The following LRRK1 variants were observed in gnomAD, a reference collection of about 807,000 sequenced individuals.
The protein encoded by LRRK1 is leucine-rich repeat serine/threonine-protein kinase 1.
LRRK1 carries 113 observed loss-of-function variants against 209.1 expected under a neutral mutation model. The ratio of observed to expected loss-of-function variants is 0.54; its 90% CI spans 0.46 to 0.63. The LOEUF (loss-of-function observed/expected upper bound fraction) is 0.63. LRRK1 is among the 30% of genes least tolerant of loss of function. The probability of loss-of-function intolerance (pLI) is 0.00; values close to 1 mark genes in which losing one functional copy is unlikely to be tolerated. For missense variants in LRRK1, 2,284 were observed against 2,632.2 expected (o/e 0.87, Z 2.89); for synonymous variants, 1,144 against 1,099.7 (o/e 1.04, Z -0.80).
intron 3 of LRRK1, among the ~76,000 whole-genome samples, chr15:100,975,218 G>C (rs1224984440): frequency 6.6e-6 from 1 of 152,248 alleles, no homozygotes; most frequent in Non-Finnish European, 1.5e-5. Context: ...GGAGGAGCTG[G>C]GCAGCAAACA....
intron 19 of LRRK1, 142 bp from the exon 20 acceptor site, chr15:101,028,814 C>A: frequency 1.1e-6 from 1 of 935,490 alleles, no homozygotes; most frequent in Non-Finnish European, 1.6e-6. Context: ...GCCAGCCCAC[C>A]TGAAGGGTCC....
chr15:100,973,804 G>A lies in LRRK1; in HGVS notation c.98G>A (p.Gly33Asp). 7.8e-7 allele frequency: 1 copy of A among 1,288,114 alleles called. No homozygotes were observed. The highest frequency in any genetic ancestry group is 2.4e-5 in the South Asian group (1 of 41,686). The allele number at this position is 1,288,114 out of a possible 1,614,324, so 79.8% of individuals were successfully genotyped here. Residue 33 changes from glycine (G) to aspartate (D), a missense_variant and splice_region_variant, in exon 3 of 34, where the codon GGT becomes GAT. Around this residue, in one of 6 missense-constraint regions of LRRK1, gnomAD observed 174 missense variants for 133.5 expected, o/e 1.30. Coordinates refer to ENST00000388948, the MANE Select transcript of LRRK1 (RefSeq NM_024652.6). ...CPERAMETLN[G>D]AGDTGGKPST... The stretch of plus-strand genomic sequence containing the variant: ...TGTGTGTGTGCTTCCTCCCGCGCAG[G>A]TGCCGGGGACACGGGCGGCAAGCCG...
intron 23 of LRRK1, 57 bp from the exon 24 acceptor site, chr15:101,051,654 G>T: frequency 7.0e-7 from 1 of 1,428,272 alleles, no homozygotes; most frequent in Non-Finnish European, 9.1e-7. Flanking sequence ...GTGCTGCTCG[G>T]GGGGCCCTCC....
Position 101,012,542 on chromosome 15 carries a change from C to T in LRRK1, c.1419+397C>T, listed in dbSNP as rs549995429. On this transcript the variant is annotated intron_variant, in intron 10 of 33. Transcript: ENST00000388948. The stretch of plus-strand genomic sequence containing the variant: ...TTGGCGGGTCCTTAGGCAGACAGGC[C>T]GTGGATCACACTCATTGCTTGGAGC... 2.9e-4 allele frequency among the ~76,000 whole-genome samples: 44 copies of T among 152,274 alleles called. No homozygotes were observed. In the South Asian group the frequency reaches 2.9e-3, roughly 10 times the overall value.
intron 2 of LRRK1, among the ~76,000 whole-genome samples, chr15:100,949,079 CAA>C (rs1229310686): frequency 6.6e-6 from 1 of 151,916 alleles, no homozygotes; most frequent in Non-Finnish European, 1.5e-5. Flanking sequence ...TCAGTGAAAT[CAA>C]AAGTTAGTTC....
chr15:100,937,605 G>A (rs1026214565), intron 2 of LRRK1, among the ~76,000 whole-genome samples: 2 of 151,934 alleles, frequency 1.3e-5, no homozygotes, highest in Admixed American at 1.3e-4. Flanking sequence ...CGCGATCTCA[G>A]CTCACTGCAA....
rs987143050 is a variant in LRRK1, at chr15:101,024,737, C to G, written c.2068-66C>G. The G allele has an allele frequency of 2.6e-6, 4 of 1,537,142 alleles. No individual in the cohort carries two copies. Among genetic ancestry groups the G allele is most frequent in the Non-Finnish European group, 2.7e-6 (3 of 1,123,246 alleles). ...CAGCCTCCAGAGTTATCCGTTGTCT[C>G]CGTTTGATTGACTGAAGCCTTTGTC... On this transcript the variant is annotated intron_variant, in intron 15 of 33. Coordinates refer to ENST00000388948, the MANE Select transcript of LRRK1 (RefSeq NM_024652.6). This position sits in a 1 kb window ranked among gnomAD's most constrained non-coding sequence, Gnocchi z 4.6.
chr15:101,040,468 C>T lies in LRRK1; in HGVS notation c.2964-5513C>T, dbSNP rs780615250. ...AAATTTTTGGAACCGTTTTAAAGAA[C>T]GAACCGTTGCCATTGCTGATTTCTT... On this transcript the variant is annotated intron_variant, in intron 20 of 33. Coordinates refer to ENST00000388948, the MANE Select transcript of LRRK1 (RefSeq NM_024652.6). Among the ~76,000 whole-genome samples, 7 of 152,152 alleles carry T rather than the reference C, an allele frequency of 4.6e-5. No individual in the cohort carries two copies. The South Asian group carries it at 6.2e-4, about 14-fold the overall frequency.
chr15:100,985,458 G>C (rs576846468), intron 4 of LRRK1, among the ~76,000 whole-genome samples: 2 of 152,188 alleles, frequency 1.3e-5, no homozygotes, highest in Non-Finnish European at 2.9e-5. Flanking sequence ...TGGCCAAGCA[G>C]GGGAAATTGA....
chr15:100,952,902 G>A lies in LRRK1; in HGVS notation c.98-20902G>A, dbSNP rs370895205. On this transcript the variant is annotated intron_variant, in intron 2 of 33. Transcript: ENST00000388948. ...GCAAGATCTTTTAACAGAATCTATT[G>A]ACCAAAATTAACTCTAGGGCCACTC... is the stretch of plus-strand genomic sequence containing the variant. Among the ~76,000 whole-genome samples the A allele has an allele frequency of 1.6e-4, 25 of 152,224 alleles. 2 individuals are homozygous for A. The highest frequency in any genetic ancestry group is 7.8e-4 in the Admixed American group (12 of 15,290).
intron 20 of LRRK1, among the ~76,000 whole-genome samples, chr15:101,044,475 G>A (rs548684432): frequency 8.5e-5 from 13 of 152,306 alleles, no homozygotes; most frequent in Non-Finnish European, 1.6e-4. Flanking sequence ...TCCCTGGGAC[G>A]GCCTTTCCCA....
At chr15:100,977,201 A>AAAT (rs59410329) in intron 3 of LRRK1, among the ~76,000 whole-genome samples, 3 of 151,220 alleles carry the variant, frequency 2.0e-5, no homozygotes, top group Non-Finnish European at 4.4e-5. Context: ...AAAAAAAAAA[A>AAAT]TTCCAAGGAA....
In LRRK1 at chr15:101,068,929, C is replaced by T. The variant is rs949622945; in HGVS notation, c.*81C>T. The stretch of plus-strand genomic sequence containing the variant: ...ACCCCTCTGCCATCGGCCTCTAGTT[C>T]TCCAAGGACCTAGAAGACAGATGGA... On this transcript the variant is annotated 3_prime_UTR_variant, in exon 34 of 34. Transcript: ENST00000388948. 1 of 1,351,104 alleles carries T rather than the reference C, an allele frequency of 7.4e-7. No individual in the cohort carries two copies. The highest frequency in any genetic ancestry group is 2.4e-5 in the East Asian group (1 of 40,992). 83.7% of individuals were successfully genotyped at this position (1,351,104 alleles called of 1,614,324 possible).
intron 2 of LRRK1, among the ~76,000 whole-genome samples, chr15:100,948,329 T>C (rs1237856731): frequency 2.0e-5 from 3 of 152,180 alleles, no homozygotes; most frequent in African/African-American, 7.2e-5. Context: ...GGCGGCCAGA[T>C]GGGACACCTC....
chr15:100,933,409 T>C (rs1230797476), intron 2 of LRRK1, among the ~76,000 whole-genome samples: 1 of 152,234 alleles, frequency 6.6e-6, no homozygotes, highest in Non-Finnish European at 1.5e-5. Context: ...TGATAATATT[T>C]TTCTCTTCTG....
chr15:101,068,939 C>G lies in LRRK1; in HGVS notation c.*91C>G, dbSNP rs558348203. The G allele has an allele frequency of 1.1e-5, 14 of 1,291,162 alleles. No homozygotes were observed. In the African/African-American group the frequency reaches 1.9e-4, roughly 18 times the overall value. 80.0% of individuals were successfully genotyped at this position (1,291,162 alleles called of 1,614,324 possible). A position where few individuals can be genotyped will look rare whatever the true frequency, so the allele number is the denominator to read the frequency against. On this transcript the variant is annotated 3_prime_UTR_variant, in exon 34 of 34. Coordinates refer to ENST00000388948, the MANE Select transcript of LRRK1 (RefSeq NM_024652.6). ...CATCGGCCTCTAGTTCTCCAAGGACCTAGAAGACAGATGGAGTTCTCCCCT... is the reference window on the plus strand; with the variant it reads ...CATCGGCCTCTAGTTCTCCAAGGACGTAGAAGACAGATGGAGTTCTCCCCT...
chr15:101,010,042 G>T (rs539530264), intron 7 of LRRK1, among the ~76,000 whole-genome samples: 1 of 152,340 alleles, frequency 6.6e-6, no homozygotes, highest in East Asian at 1.9e-4. Context: ...AGTGAGAACG[G>T]GAAAGAAGCC....
chr15:101,012,052 C>G lies in LRRK1; in HGVS notation c.1326C>G (p.Asp442Glu), dbSNP rs754548120. 9 of 1,610,714 alleles carry G rather than the reference C, an allele frequency of 5.6e-6. No homozygotes were observed. Among genetic ancestry groups the G allele is most frequent in the African/African-American group, 5.4e-5 (4 of 74,766 alleles). Residue 442 changes from aspartate (D) to glutamate (E), a missense_variant, in exon 10 of 34, where the codon GAC becomes GAG. Physicochemically the swap from Asp to Glu is conservative, Grantham distance 45 (BLOSUM62 2). This residue lies in a region of LRRK1 where 494 missense variants were observed against 522.1 expected (regional missense o/e 0.95). Coordinates refer to ENST00000388948, the MANE Select transcript of LRRK1 (RefSeq NM_024652.6). Reference protein sequence around the residue: ...ASRNALECLPDKMAVFWKNHL... With the variant: ...ASRNALECLPEKMAVFWKNHL... The stretch of plus-strand genomic sequence containing the variant: ...GAAATGCCCTGGAATGTCTGCCAGA[C>G]AAAATGGCTGTCTTTTGGAAAAATC...
chr15:101,009,200 C>T (rs2033123274), intron 7 of LRRK1, 137 bp downstream of exon 7: 1 of 695,662 alleles, frequency 1.4e-6, no homozygotes, highest in Non-Finnish European at 2.4e-6. Context: ...GTTTTGCCTA[C>T]CCTGAGGCAA....
Sources: gnomAD v4.1 joint callset for allele counts (sites outside exome capture counted in the v4.1 genomes callset) on GRCh38, gnomAD v4.1.1 for gene constraint, gnomAD v4.1.1 regional missense constraint, Gnocchi (gnomAD v3.1) non-coding constraint, MANE v1.5 for transcripts, NCBI Gene and HGNC (gene_info 2026-07-23, HGNC 2026-07-21) for gene names.